The following PLBD1 variants were observed in gnomAD, a reference collection of about 807,000 sequenced individuals.
PLBD1 encodes phospholipase B domain containing 1.
PLBD1 carries 60 observed loss-of-function variants against 63.0 expected under a neutral mutation model. The ratio of observed to expected loss-of-function variants is 0.95; its 90% CI spans 0.77 to 1.18. The LOEUF (loss-of-function observed/expected upper bound fraction) is 1.18, where lower values mean the gene tolerates loss of function less well. Ranked by LOEUF, PLBD1 falls within the 50% of genes most tolerant of loss-of-function variation. The pLI is 0.00. For synonymous variants in PLBD1, 262 were observed against 248.0 expected (o/e 1.06, Z -0.53); for missense variants, 598 against 677.9 (o/e 0.88, Z 1.31).
At chr12:14,544,181 T>C (rs556832407) in intron 2 of PLBD1, among the ~76,000 whole-genome samples, 3 of 152,318 alleles carry the variant, frequency 2.0e-5, no homozygotes, top group Admixed American at 1.3e-4. Flanking sequence ...ACTAAGGACT[T>C]GTGTTTTTTT....
At chr12:14,541,839 G>A (rs758829306) in intron 3 of PLBD1, among the ~76,000 whole-genome samples, 7 of 152,160 alleles carry the variant, frequency 4.6e-5, no homozygotes, top group Non-Finnish European at 1.0e-4. Flanking sequence ...TTAGTAAGCA[G>A]GCTCATGAAA....
chr12:14,558,456 G>GA (rs1289333460), intron 1 of PLBD1, among the ~76,000 whole-genome samples: 3 of 152,042 alleles, frequency 2.0e-5, no homozygotes, highest in Non-Finnish European at 4.4e-5. Context: ...ATCCATTTTT[G>GA]ACCATATATC....
chr12:14,548,371 C>T (rs1479574217), intron 2 of PLBD1, among the ~76,000 whole-genome samples: 2 of 143,194 alleles, frequency 1.4e-5, no homozygotes, highest in South Asian at 2.2e-4. Context: ...CCTAGAGAAT[C>T]GCTTGAACCT....
At chr12:14,540,646 G>A in intron 4 of PLBD1, 118 bp downstream of exon 4, 4 of 1,118,596 alleles carry the variant, frequency 3.6e-6, no homozygotes, top group Non-Finnish European at 4.8e-6. Context: ...TTTTCCGTAA[G>A]GAATTTATAC....
intron 6 of PLBD1, among the ~76,000 whole-genome samples, chr12:14,513,173 G>T (rs947069053): frequency 3.3e-5 from 5 of 151,990 alleles, no homozygotes; most frequent in Admixed American, 6.6e-5. Flanking sequence ...CAAAAGAAAG[G>T]ATATTTTGAT....
At chr12:14,521,027 C>A (rs1945370794) in intron 6 of PLBD1, among the ~76,000 whole-genome samples, 1 of 152,148 alleles carries the variant, frequency 6.6e-6, no homozygotes, top group Non-Finnish European at 1.5e-5. Flanking sequence ...GGGCCAGTAA[C>A]CACTGTTTGT....
At chr12:14,566,228 A>G (rs1030302806) in intron 1 of PLBD1, among the ~76,000 whole-genome samples, 1 of 152,166 alleles carries the variant, frequency 6.6e-6, no homozygotes, top group Non-Finnish European at 1.5e-5. Flanking sequence ...CCACCTCCAT[A>G]GTTTAGGCAA....
intron 6 of PLBD1, 96 bp downstream of exon 6, chr12:14,535,563 A>C: frequency 7.4e-7 from 1 of 1,348,222 alleles, no homozygotes; most frequent in Non-Finnish European, 1.0e-6. Context: ...CTAACCATTA[A>C]ACATTTCTTC....
chr12:14,539,287 C>T (rs964910711), intron 4 of PLBD1, among the ~76,000 whole-genome samples: 1 of 151,964 alleles, frequency 6.6e-6, no homozygotes, highest in Admixed American at 6.6e-5. Context: ...TCACAGTTTA[C>T]GAAATGGAAC....
Position 14,503,792 on chromosome 12 carries a change from AAATTGGTTTCAT to A in PLBD1, c.1630_1641del (p.Met544_Ile547del). ...CTCCTTCATTTTATATCAAGTTTCAAAATTGGTTTCATGGTAATAAAATCAAAGTTGTAGACC... is the reference window on the plus strand; with the variant it reads ...CTCCTTCATTTTATATCAAGTTTCAAGGTAATAAAATCAAAGTTGTAGACC... On this transcript the variant is annotated inframe_deletion, in exon 11 of 11. Transcript: ENST00000240617. The A allele has an allele frequency of 6.2e-6, 10 of 1,613,356 alleles. No individual in the cohort carries two copies. The highest frequency in any genetic ancestry group is 7.6e-6 in the Non-Finnish European group (9 of 1,179,418).
chr12:14,552,030 T>TA (rs1489556052), intron 2 of PLBD1, among the ~76,000 whole-genome samples: 2 of 152,182 alleles, frequency 1.3e-5, no homozygotes, highest in African/African-American at 4.8e-5. Flanking sequence ...TAGTTTGTAT[T>TA]AAAAAAGAGC....
intron 6 of PLBD1, 62 bp from the exon 7 acceptor site, chr12:14,511,773 T>C: frequency 6.8e-7 from 1 of 1,481,118 alleles, no homozygotes; most frequent in Non-Finnish European, 9.4e-7. Flanking sequence ...ACCATCATTA[T>C]TGACAAAGAG....
At chr12:14,528,685 A>G (rs1945436205) in intron 6 of PLBD1, among the ~76,000 whole-genome samples, 1 of 152,142 alleles carries the variant, frequency 6.6e-6, no homozygotes, top group Admixed American at 6.5e-5. Flanking sequence ...AAAAAATTAC[A>G]AATTAAATGC....
At chr12:14,555,338 G>A (rs1366962970) in intron 1 of PLBD1, among the ~76,000 whole-genome samples, 1 of 152,090 alleles carries the variant, frequency 6.6e-6, no homozygotes, top group Non-Finnish European at 1.5e-5. Flanking sequence ...AGGGGTTCGC[G>A]ACCAGCCTGG....
intron 6 of PLBD1, among the ~76,000 whole-genome samples, chr12:14,531,389 A>C (rs1592000324): frequency 3.3e-5 from 5 of 152,254 alleles, no homozygotes; most frequent in Admixed American, 3.3e-4. Context: ...CATTTTCTTA[A>C]TGACTTTGCG....
chr12:14,562,736 A>G (rs1032429265), intron 1 of PLBD1, among the ~76,000 whole-genome samples: 25 of 152,198 alleles, frequency 1.6e-4, no homozygotes, highest in African/African-American at 6.0e-4. Context: ...CAAAACCTAA[A>G]TGCATAAAAA....
chr12:14,508,985 T>C (rs1295696050), intron 8 of PLBD1, among the ~76,000 whole-genome samples: 1 of 151,970 alleles, frequency 6.6e-6, no homozygotes, highest in Non-Finnish European at 1.5e-5. Flanking sequence ...TTAGGAGATG[T>C]GCCCACCCCC....
At chr12:14,511,809 A>C (rs927955918) in intron 6 of PLBD1, 98 bp from the exon 7 acceptor site, 1 of 1,185,786 alleles carries the variant, frequency 8.4e-7, no homozygotes, top group Non-Finnish European at 1.2e-6. Context: ...GCATTTTGCA[A>C]AGTGTATCAG....
At chr12:14,547,798 G>A (rs777642193) in intron 2 of PLBD1, among the ~76,000 whole-genome samples, 1 of 152,056 alleles carries the variant, frequency 6.6e-6, no homozygotes, top group Non-Finnish European at 1.5e-5. Flanking sequence ...TGGATTCCCT[G>A]AGTCAGAGAC....
Sources: allele counts gnomAD v4.1 joint callset (sites outside exome capture counted in the v4.1 genomes callset), GRCh38; gene constraint gnomAD v4.1.1; transcripts MANE v1.5; gene names NCBI Gene and HGNC (gene_info 2026-07-23, HGNC 2026-07-21).